Variants in PTPRD observed in about 807,000 individuals in gnomAD.
PTPRD encodes the protein protein tyrosine phosphatase receptor type D.
In PTPRD, 34 loss-of-function variants were observed where a neutral mutation model predicts 214.5. The ratio of observed to expected loss-of-function variants is 0.16; its 90% CI spans 0.12 to 0.21. The LOEUF (loss-of-function observed/expected upper bound fraction) is 0.21, where lower values mean the gene tolerates loss of function less well. PTPRD is among the 10% of genes least tolerant of loss of function. The pLI is 1.00. For synonymous variants in PTPRD, 1,128 were observed against 845.7 expected (o/e 1.33, Z -5.79); for missense variants, 2,545 against 2,398.7 (o/e 1.06, Z -1.27).
At chr9:10,208,941 T>C (rs541767081) in intron 3 of PTPRD, among the ~76,000 whole-genome samples, 3 of 152,068 alleles carry the variant, frequency 2.0e-5, no homozygotes, top group African/African-American at 7.2e-5. Context: ...CCTTAAGGAG[T>C]AGAAAAGGTG....
At chr9:10,379,245 T>TTA (rs2097778553) in intron 2 of PTPRD, among the ~76,000 whole-genome samples, 1 of 151,636 alleles carries the variant, frequency 6.6e-6, no homozygotes, top group Admixed American at 6.6e-5. Context: ...CTAATAGTTT[T>TTA]TTTTGTGTGT....
chr9:9,142,204 G>A (rs2099861661), intron 10 of PTPRD, among the ~76,000 whole-genome samples: 1 of 152,194 alleles, frequency 6.6e-6, no homozygotes, highest in Non-Finnish European at 1.5e-5. Flanking sequence ...TCCCATAGAA[G>A]CCCTAGAAGA....
At chr9:10,569,513 C>T (rs2066755761) in intron 2 of PTPRD, among the ~76,000 whole-genome samples, 1 of 151,406 alleles carries the variant, frequency 6.6e-6, no homozygotes, top group Non-Finnish European at 1.5e-5. Context: ...ATGTCTCTCT[C>T]TCTCTCTCTC....
At chr9:9,141,812 C>T (rs2099860947) in intron 10 of PTPRD, among the ~76,000 whole-genome samples, 1 of 146,136 alleles carries the variant, frequency 6.8e-6, no homozygotes, top group African/African-American at 2.5e-5. Flanking sequence ...TAGTTATTAA[C>T]AAAGTTTCTG....
At chr9:8,664,483 C>T (rs1261283391) in intron 12 of PTPRD, among the ~76,000 whole-genome samples, 1 of 152,190 alleles carries the variant, frequency 6.6e-6, no homozygotes, top group Admixed American at 6.5e-5. Context: ...TGATATCAAA[C>T]TGCACACCAA....
At chr9:10,483,392 AC>A (rs2132285156) in intron 2 of PTPRD, among the ~76,000 whole-genome samples, 1 of 152,230 alleles carries the variant, frequency 6.6e-6, no homozygotes, top group South Asian at 2.1e-4. Context: ...TATGATGAAG[AC>A]CCCAAAAGCA....
chr9:8,670,635 T>C (rs2097264860), intron 12 of PTPRD, among the ~76,000 whole-genome samples: 3 of 152,158 alleles, frequency 2.0e-5, no homozygotes. Flanking sequence ...CATAATAAAA[T>C]TTGTTTTTTA....
chr9:9,473,431 C>T (rs573939096), intron 8 of PTPRD, among the ~76,000 whole-genome samples: 2 of 152,222 alleles, frequency 1.3e-5, no homozygotes, highest in African/African-American at 4.8e-5. Context: ...CTGCAATAAA[C>T]GTGGAGGTGC....
intron 42 of PTPRD, among the ~76,000 whole-genome samples, chr9:8,339,982 A>G (rs945955700): frequency 1.3e-5 from 2 of 152,114 alleles, no homozygotes; most frequent in African/African-American, 4.8e-5. Flanking sequence ...AAGAAAGTCA[A>G]GTTCCTTCAT....
chr9:9,134,159 G>A (rs1159279367), intron 10 of PTPRD, among the ~76,000 whole-genome samples: 1 of 122,808 alleles, frequency 8.1e-6, no homozygotes, highest in African/African-American at 3.6e-5. Flanking sequence ...TGCAAGCTCC[G>A]CTTCCCGGGT....
chr9:9,347,974 C>CA (rs954541696), intron 9 of PTPRD, among the ~76,000 whole-genome samples: 4 of 151,382 alleles, frequency 2.6e-5, no homozygotes, highest in African/African-American at 9.7e-5. Context: ...ATAAAGTGAC[C>CA]AAAAAAAATC....
chr9:10,088,282 T>C lies in PTPRD; in HGVS notation c.-544-54492A>G, dbSNP rs538271706. Among the ~76,000 whole-genome samples, 10 of 151,872 alleles carry C rather than the reference T, an allele frequency of 6.6e-5. No individual in the cohort carries two copies. In the South Asian group the frequency reaches 1.2e-3, roughly 19 times the overall value. On this transcript the variant is annotated intron_variant, in intron 3 of 45. Coordinates refer to ENST00000381196, the MANE Select transcript of PTPRD (RefSeq NM_002839.4). ...AAATTTCTTCTTTACCTAAACACCA[T>C]GGCTTTTCATAGGAAAATGTAATTG...
chr9:10,126,843 T>C (rs1360470735), intron 3 of PTPRD, among the ~76,000 whole-genome samples: 1 of 152,096 alleles, frequency 6.6e-6, no homozygotes, highest in East Asian at 1.9e-4. Context: ...AACAATGTGA[T>C]TCATAATGCT....
chr9:10,585,051 TTG>T (rs1467229702), intron 2 of PTPRD, among the ~76,000 whole-genome samples: 1 of 152,170 alleles, frequency 6.6e-6, no homozygotes, highest in Non-Finnish European at 1.5e-5. Flanking sequence ...CAGTCATGTA[TTG>T]TGATTTTGAC....
chr9:9,992,843 CAATGTAAA>C (rs1566971159), intron 4 of PTPRD, among the ~76,000 whole-genome samples: 1 of 151,810 alleles, frequency 6.6e-6, no homozygotes, highest in African/African-American at 2.4e-5. Flanking sequence ...GAGATAAACC[CAATGTAAA>C]TGACGAGTTA....
intron 4 of PTPRD, among the ~76,000 whole-genome samples, chr9:9,985,494 A>G (rs1214570537): frequency 1.3e-5 from 2 of 152,174 alleles, no homozygotes; most frequent in Non-Finnish European, 2.9e-5. Flanking sequence ...ATTCTTTTAC[A>G]GAAAGTAGTC....
chr9:8,362,312 A>G (rs549410749), intron 39 of PTPRD, among the ~76,000 whole-genome samples: 3 of 152,304 alleles, frequency 2.0e-5, no homozygotes, highest in East Asian at 3.9e-4. Flanking sequence ...CTACAAACCA[A>G]TAAGTTTGAG....
chr9:9,102,608 G>C (rs2099792917), intron 10 of PTPRD, among the ~76,000 whole-genome samples: 2 of 152,170 alleles, frequency 1.3e-5, no homozygotes, highest in Non-Finnish European at 2.9e-5. Flanking sequence ...TTCCCACCAG[G>C]GTGGCTGATT....
chr9:10,343,799 TC>T (rs1419872760), intron 2 of PTPRD, among the ~76,000 whole-genome samples: 1 of 152,084 alleles, frequency 6.6e-6, no homozygotes, highest in Admixed American at 6.6e-5. Context: ...TCTGTTCATA[TC>T]CTTTGCCCAC....
Sources: gnomAD v4.1 joint callset for allele counts (sites outside exome capture counted in the v4.1 genomes callset) on GRCh38, gnomAD v4.1.1 for gene constraint, MANE v1.5 for transcripts, NCBI Gene and HGNC (gene_info 2026-07-23, HGNC 2026-07-21) for gene names.